ATL2: variants seen among roughly 807,000 people sequenced by gnomAD.
The protein encoded by ATL2 is atlastin-2.
Under a neutral mutation model 73.9 loss-of-function variants are expected in ATL2, and 31 were observed. That is an observed-to-expected ratio of 0.42 (90% CI 0.32 to 0.57). The LOEUF (loss-of-function observed/expected upper bound fraction) is 0.57. Among genes scored for constraint, ATL2 ranks in the 20% least tolerant of loss-of-function variants. ATL2 has a pLI of 0.14. For missense variants in ATL2, 738 were observed against 702.6 expected (o/e 1.05, Z -0.57); for synonymous variants, 291 against 237.5 (o/e 1.23, Z -2.07).
intron 10 of ATL2, 107 bp downstream of exon 10, chr2:38,300,165 T>C: frequency 1.0e-6 from 1 of 985,554 alleles, no homozygotes; most frequent in Non-Finnish European, 1.5e-6. Context: ...TGTGTTTGCA[T>C]GCAAAAAAGC....
intron 2 of ATL2, among the ~76,000 whole-genome samples, chr2:38,333,407 CAGTT>C (rs1049736954): frequency 9.9e-5 from 15 of 152,086 alleles, no homozygotes; most frequent in South Asian, 4.1e-4. Flanking sequence ...CCTCCAAAAA[CAGTT>C]AGTATTAACA....
intron 1 of ATL2, among the ~76,000 whole-genome samples, chr2:38,347,437 G>A (rs148538993): frequency 6.6e-6 from 1 of 152,272 alleles, no homozygotes; most frequent in Non-Finnish European, 1.5e-5. Context: ...CAGCTCTTCA[G>A]CTCAAATGTT....
chr2:38,366,724 C>T (rs569599195), intron 1 of ATL2, among the ~76,000 whole-genome samples: 14 of 152,284 alleles, frequency 9.2e-5, no homozygotes, highest in African/African-American at 3.1e-4. Flanking sequence ...TACGTGAAAG[C>T]TTAGAACAAG....
chr2:38,339,759 C>T (rs868703886), intron 2 of ATL2, among the ~76,000 whole-genome samples: 2 of 152,202 alleles, frequency 1.3e-5, no homozygotes, highest in Non-Finnish European at 1.5e-5. Flanking sequence ...GGCACAATCT[C>T]GGCTCACTGC....
At chr2:38,376,037 C>A in intron 1 of ATL2, 1 of 1,372,722 alleles carries the variant, frequency 7.3e-7, no homozygotes. Context: ...AAAACCTTTA[C>A]ACACCGTAAA....
rs151102018 is a variant in ATL2 at position 38,353,027 on chromosome 2, T to C, written c.119-9515A>G. On this transcript the variant is annotated intron_variant, in intron 1 of 12. Transcript: ENST00000378954. The stretch of plus-strand genomic sequence containing the variant: ...TCCAAAATCTCTACAATGCATAACA[T>C]TTAATATACAGTATATAAATCAGAA... 2.6e-4 allele frequency among the ~76,000 whole-genome samples: 40 copies of C among 152,226 alleles called. No individual in the cohort carries two copies. In the East Asian group the frequency reaches 7.0e-3, roughly 26 times the overall value.
intron 2 of ATL2, among the ~76,000 whole-genome samples, chr2:38,329,352 C>T (rs1260731802): frequency 7.6e-6 from 1 of 131,220 alleles, no homozygotes; most frequent in African/African-American, 2.9e-5. Context: ...CGCTGGAACT[C>T]AGGAGGCAGA....
chr2:38,321,671 C>G (rs1030695822), intron 2 of ATL2, among the ~76,000 whole-genome samples: 2 of 152,142 alleles, frequency 1.3e-5, no homozygotes, highest in African/African-American at 4.8e-5. Context: ...ACCAATAAGA[C>G]CATCTGGAGA....
At chr2:38,301,087 CAGCCTCCCGAGT>C (rs1286576280) in intron 9 of ATL2, among the ~76,000 whole-genome samples, 1 of 151,874 alleles carries the variant, frequency 6.6e-6, no homozygotes, top group Non-Finnish European at 1.5e-5. Flanking sequence ...TGTCCTGCCT[CAGCCTCCCGAGT>C]AGCTGGGATT....
Position 38,315,248 on chromosome 2 carries a change from T to C in ATL2, c.654+36A>G, listed in dbSNP as rs754099705. The C allele has an allele frequency of 3.5e-6, 5 of 1,445,840 alleles. No individual in the cohort carries two copies. In the African/African-American group the frequency reaches 4.5e-5, roughly 13 times the overall value. The allele number at this position is 1,445,840 out of a possible 1,614,324, so 89.6% of individuals were successfully genotyped here. On this transcript the variant is annotated intron_variant, in intron 5 of 12. Coordinates refer to ENST00000378954, the MANE Select transcript of ATL2 (RefSeq NM_001135673.4). The stretch of plus-strand genomic sequence containing the variant: ...TCTGGGGAACAAGAGCGAAACTCCA[T>C]CTCAAAAAATAAAAATTAAAAAAAG...
At position 38,294,418 on chromosome 2, in the gene ATL2, C is replaced by T. The variant is rs566759546; in HGVS notation, c.*1576G>A. 2.0e-5 allele frequency among the ~76,000 whole-genome samples: 3 copies of T among 152,102 alleles called. No individual in the cohort carries two copies. Among genetic ancestry groups the T allele is most frequent in the African/African-American group, 4.8e-5 (2 of 41,416 alleles). On this transcript the variant is annotated 3_prime_UTR_variant, in exon 13 of 13. Coordinates refer to ENST00000378954, the MANE Select transcript of ATL2 (RefSeq NM_001135673.4). ...AAAACATTAGCCGGGAATGGTGGCACGCACCTGTAGTCCCAGCTACTCAGG... is the reference window on the plus strand; with the variant it reads ...AAAACATTAGCCGGGAATGGTGGCATGCACCTGTAGTCCCAGCTACTCAGG...
intron 10 of ATL2, 89 bp downstream of exon 10, chr2:38,300,183 A>G: frequency 8.4e-7 from 1 of 1,188,390 alleles, no homozygotes; most frequent in Non-Finnish European, 1.2e-6. Flanking sequence ...AGCACCCCCC[A>G]TTTTCAGCAT....
intron 1 of ATL2, among the ~76,000 whole-genome samples, chr2:38,367,594 C>A (rs1378201957): frequency 3.8e-4 from 20 of 52,510 alleles, no homozygotes; most frequent in South Asian, 1.4e-3. Context: ...GAATCCATCT[C>A]AAAAAAAAAA....
rs927527109 is a variant in ATL2, at chr2:38,294,533, G to C, written c.*1461C>G. On this transcript the variant is annotated 3_prime_UTR_variant, in exon 13 of 13. Coordinates refer to ENST00000378954, the MANE Select transcript of ATL2 (RefSeq NM_001135673.4). ...ACTGCACTCCAGCCTGGGTGACAGA[G>C]AGAGACTCCGTCTCAAAAAAGAAAC... is the stretch of plus-strand genomic sequence containing the variant. Among the ~76,000 whole-genome samples, 8 of 151,952 alleles carry C rather than the reference G, an allele frequency of 5.3e-5. No homozygotes were observed. Among genetic ancestry groups the C allele is most frequent in the South Asian group, 4.1e-4 (2 of 4,822 alleles).
At chr2:38,349,633 T>C (rs1028241817) in intron 1 of ATL2, among the ~76,000 whole-genome samples, 9 of 151,386 alleles carry the variant, frequency 5.9e-5, no homozygotes, top group Non-Finnish European at 1.2e-4. Context: ...GTCACTAACC[T>C]GCACATTGTG....
At position 38,298,125 on chromosome 2, in the gene ATL2, C is replaced by T. The variant is rs767742544; in HGVS notation, c.1632+19G>A. On this transcript the variant is annotated intron_variant, in intron 12 of 12. Transcript: ENST00000378954. ...GAAAATAAGATTAGTCACTAAAAAACCAAAAGATAGATACCAACCTGTTCC... is the reference window on the plus strand; with the variant it reads ...GAAAATAAGATTAGTCACTAAAAAATCAAAAGATAGATACCAACCTGTTCC... 2 of 1,576,966 alleles carry T rather than the reference C, an allele frequency of 1.3e-6. No individual in the cohort carries two copies. The highest frequency in any genetic ancestry group is 2.3e-5 in the East Asian group (1 of 44,360).
At chr2:38,330,288 A>G (rs1668912060) in intron 2 of ATL2, among the ~76,000 whole-genome samples, 1 of 151,986 alleles carries the variant, frequency 6.6e-6, no homozygotes, top group Non-Finnish European at 1.5e-5. Context: ...TCTACAAAAA[A>G]TCCTACAGCT....
intron 1 of ATL2, among the ~76,000 whole-genome samples, chr2:38,348,350 C>G (rs1670144441): frequency 6.6e-6 from 1 of 151,834 alleles, no homozygotes; most frequent in South Asian, 2.1e-4. Flanking sequence ...CCTGTAATCC[C>G]AGATACTCAG....
intron 2 of ATL2, among the ~76,000 whole-genome samples, chr2:38,324,661 G>C (rs1245433311): frequency 6.6e-6 from 1 of 152,158 alleles, no homozygotes; most frequent in Non-Finnish European, 1.5e-5. Context: ...CATGAGCCCA[G>C]AAAAAGGACA....
Sources: gnomAD v4.1 joint callset for allele counts (sites outside exome capture counted in the v4.1 genomes callset) on GRCh38, gnomAD v4.1.1 for gene constraint, MANE v1.5 for transcripts, NCBI Gene and HGNC (gene_info 2026-07-23, HGNC 2026-07-21) for gene names.